DPYSL3: variants seen among roughly 807,000 people sequenced by gnomAD.
DPYSL3 encodes dihydropyrimidinase-related protein 3.
Under a neutral mutation model 66.1 loss-of-function variants are expected in DPYSL3, and 16 were observed. That is an observed-to-expected ratio of 0.24 (90% CI 0.16 to 0.37). The LOEUF (loss-of-function observed/expected upper bound fraction) is 0.37, where lower values mean the gene tolerates loss of function less well. Ranked by LOEUF, DPYSL3 falls within the 10% of genes least tolerant of loss-of-function variation. DPYSL3 has a pLI of 1.00. For missense variants in DPYSL3, 738 were observed against 916.2 expected, an observed-to-expected ratio of 0.81 and a Z score of 2.51; for synonymous variants, 338 against 345.1, an observed-to-expected ratio of 0.98 and a Z score of 0.23.
intron 12 of DPYSL3, among the ~76,000 whole-genome samples, chr5:147,396,652 T>C (rs1440295977): frequency 1.3e-5 from 2 of 152,156 alleles, no homozygotes; most frequent in Admixed American, 1.3e-4. Context: ...TGACTGTATC[T>C]GTACTCCCCA....
At chr5:147,461,915 A>T (rs751205573) in intron 1 of DPYSL3, among the ~76,000 whole-genome samples, 5 of 152,154 alleles carry the variant, frequency 3.3e-5, no homozygotes, top group Non-Finnish European at 7.3e-5. Context: ...AAGACCAAGC[A>T]GAAAGCTCCA....
At chr5:147,426,263 G>A (rs1485334467) in intron 1 of DPYSL3, among the ~76,000 whole-genome samples, 2 of 152,040 alleles carry the variant, frequency 1.3e-5, no homozygotes, top group African/African-American at 4.8e-5. Flanking sequence ...TAGGTAGAAG[G>A]AATAGCATGT....
rs148660572 is a variant in DPYSL3 at position 147,424,778 on chromosome 5, AT to A, written c.470+96del. 3.0e-3 allele frequency: 2,889 copies of A among 964,600 alleles called. 67 individuals are homozygous for A. The African/African-American group carries it at 0.043, about 14-fold the overall frequency. 59.8% of individuals were successfully genotyped at this position (964,600 alleles called of 1,614,324 possible). ...ACTTCATTCTGTTGATTAAATTAAG[AT>A]TTTTTTCACTACATTCATGTAATCC... On this transcript the variant is annotated intron_variant, in intron 2 of 13. Transcript: ENST00000343218.
intron 7 of DPYSL3, among the ~76,000 whole-genome samples, chr5:147,406,365 C>T (rs1383131822): frequency 3.9e-5 from 6 of 152,154 alleles, no homozygotes; most frequent in African/African-American, 1.4e-4. Context: ...ATTTTATTAA[C>T]AAAGCAGGGT....
intron 1 of DPYSL3, among the ~76,000 whole-genome samples, chr5:147,467,817 C>A (rs1003725527): frequency 2.6e-5 from 4 of 152,180 alleles, no homozygotes; most frequent in Admixed American, 6.5e-5. Context: ...TTATTTCTCA[C>A]AGTTCTGGAG....
intron 1 of DPYSL3, among the ~76,000 whole-genome samples, chr5:147,497,659 C>A (rs1194985491): frequency 6.6e-6 from 1 of 151,114 alleles, no homozygotes; most frequent in Non-Finnish European, 1.5e-5. Flanking sequence ...ATGGTCATAT[C>A]AATAGATACT....
At chr5:147,479,775 C>T (rs1282275300) in intron 1 of DPYSL3, among the ~76,000 whole-genome samples, 1 of 152,162 alleles carries the variant, frequency 6.6e-6, no homozygotes, top group Non-Finnish European at 1.5e-5. Flanking sequence ...GCATAACACC[C>T]AAGTCCCACT....
At chr5:147,415,924 C>A (rs184257391) in intron 3 of DPYSL3, 51 bp from the exon 4 acceptor site, 1 of 1,590,480 alleles carries the variant, frequency 6.3e-7, no homozygotes, top group African/African-American at 1.3e-5. Flanking sequence ...GCCTTTGCTC[C>A]CCTCTGCCCA....
chr5:147,499,090 A>AT (rs553432971), intron 1 of DPYSL3, among the ~76,000 whole-genome samples: 3 of 152,030 alleles, frequency 2.0e-5, no homozygotes, highest in Non-Finnish European at 4.4e-5. Flanking sequence ...TCTTGAGGTA[A>AT]TTTTTTTATA....
At chr5:147,501,211 A>G (rs948927983) in intron 1 of DPYSL3, among the ~76,000 whole-genome samples, 8 of 152,218 alleles carry the variant, frequency 5.3e-5, no homozygotes, top group Admixed American at 5.2e-4. Flanking sequence ...GCCAATCTGA[A>G]AAGTCTACAT....
At chr5:147,496,232 T>A (rs1267676222) in intron 1 of DPYSL3, among the ~76,000 whole-genome samples, 1 of 152,128 alleles carries the variant, frequency 6.6e-6, no homozygotes, top group Non-Finnish European at 1.5e-5. Context: ...TCCTTACATC[T>A]TATACAAAAA....
At chr5:147,489,543 G>T (rs1753384114) in intron 1 of DPYSL3, among the ~76,000 whole-genome samples, 1 of 152,082 alleles carries the variant, frequency 6.6e-6, no homozygotes, top group African/African-American at 2.4e-5. Flanking sequence ...AGACATTATT[G>T]TCTTGCAAAA....
chr5:147,441,442 C>T (rs956325939), intron 1 of DPYSL3, among the ~76,000 whole-genome samples: 13 of 152,146 alleles, frequency 8.5e-5, no homozygotes, highest in African/African-American at 3.1e-4. Flanking sequence ...TAGGGCCCAT[C>T]CTAATGACCT....
Position 147,497,187 on chromosome 5 carries a change from G to C in DPYSL3, c.381+12291C>G, listed in dbSNP as rs559642276. Among the ~76,000 whole-genome samples, 46 of 148,590 alleles carry C rather than the reference G, an allele frequency of 3.1e-4. 1 individual carries two copies. The highest frequency in any genetic ancestry group is 1.1e-3 in the African/African-American group (45 of 40,130). On this transcript the variant is annotated intron_variant, in intron 1 of 13. Coordinates refer to ENST00000343218, the MANE Select transcript of DPYSL3 (RefSeq NM_001197294.2). ...ACACTGCATGTTCTCACTCATAGGT[G>C]GGAATTGAACAATAAGAACACATGG...
In DPYSL3 at chr5:147,504,011, T is replaced by C. The variant is rs537021739; in HGVS notation, c.381+5467A>G. Reference sequence around the variant, plus strand: ...ACTCCTAGAAGCTTAATTTTAAAAGTGCTCACACACCTAAATGGACCTTCT... The same window carrying C: ...ACTCCTAGAAGCTTAATTTTAAAAGCGCTCACACACCTAAATGGACCTTCT... On this transcript the variant is annotated intron_variant, in intron 1 of 13. Transcript: ENST00000343218. Among the ~76,000 whole-genome samples the C allele has an allele frequency of 1.2e-4, 19 of 152,366 alleles. No individual in the cohort carries two copies. In the East Asian group the frequency reaches 3.5e-3, roughly 28 times the overall value.
At chr5:147,421,921 G>A (rs1752088273) in intron 2 of DPYSL3, among the ~76,000 whole-genome samples, 1 of 152,120 alleles carries the variant, frequency 6.6e-6, no homozygotes, top group African/African-American at 2.4e-5. Flanking sequence ...AGAAAACCTA[G>A]GCAATACCAC....
At chr5:147,432,940 T>C (rs918854768) in intron 1 of DPYSL3, among the ~76,000 whole-genome samples, 3 of 152,228 alleles carry the variant, frequency 2.0e-5, no homozygotes, top group Admixed American at 6.5e-5. Flanking sequence ...AGGATGATCT[T>C]GGATCTGTTA....
intron 1 of DPYSL3, among the ~76,000 whole-genome samples, chr5:147,500,122 G>T (rs376565792): frequency 7.2e-5 from 11 of 152,092 alleles, no homozygotes; most frequent in African/African-American, 2.4e-4. Flanking sequence ...TAGTGATGAC[G>T]TTTTTAGATA....
chr5:147,509,528 G>C lies in DPYSL3; in HGVS notation c.331C>G (p.Arg111Gly). ...AACACCTCTTTGCCGGTGGCGCTCC[G>C]GATCTCTACCCCGGCGGGGGCGGGG... ...ASPAPAGVEI[R>G]SATGKEVLQN... is the part of the protein sequence containing the mutation. Residue 111 changes from arginine (R) to glycine (G), a missense_variant, in exon 1 of 14, where the codon CGG becomes GGG. Coordinates refer to ENST00000343218, the MANE Select transcript of DPYSL3 (RefSeq NM_001197294.2). This position sits in a 1 kb window ranked among gnomAD's most constrained non-coding sequence, Gnocchi z 5.3. 2 of 1,534,366 alleles carry C rather than the reference G, an allele frequency of 1.3e-6. No homozygotes were observed. The highest frequency in any genetic ancestry group is 1.7e-6 in the Non-Finnish European group (2 of 1,146,114).
Sources: gnomAD v4.1 joint callset for allele counts (sites outside exome capture counted in the v4.1 genomes callset) on GRCh38, gnomAD v4.1.1 for gene constraint, Gnocchi (gnomAD v3.1) non-coding constraint, MANE v1.5 for transcripts, NCBI Gene and HGNC (gene_info 2026-07-23, HGNC 2026-07-21) for gene names.